The following PDE1A variants were observed in gnomAD, a reference collection of about 807,000 sequenced individuals.
PDE1A encodes dual specificity calcium/calmodulin-dependent 3',5'-cyclic nucleotide phosphodiesterase 1A.
PDE1A carries 35 observed loss-of-function variants against 61.7 expected under a neutral mutation model. The observed-to-expected ratio is 0.57, with a 90% CI of 0.43 to 0.75. The LOEUF is 0.75. PDE1A is among the 30% of genes least tolerant of loss of function. The probability of loss-of-function intolerance (pLI) is 0.00; values close to 1 mark genes in which losing one functional copy is unlikely to be tolerated. For synonymous variants in PDE1A, 232 were observed against 213.2 expected (o/e 1.09, Z -0.77); for missense variants, 597 against 630.6 (o/e 0.95, Z 0.57).
At chr2:182,502,813 G>GTGAATA (rs1689160942) in intron 2 of PDE1A, among the ~76,000 whole-genome samples, 1 of 151,300 alleles carries the variant, frequency 6.6e-6, no homozygotes, top group Non-Finnish European at 1.5e-5. Flanking sequence ...CATGTATTAA[G>GTGAATA]TGAATACTTA....
downstream of PDE1A, among the ~76,000 whole-genome samples, chr2:182,146,226 C>A (rs896640310): frequency 4.6e-5 from 7 of 152,124 alleles, no homozygotes; most frequent in African/African-American, 1.7e-4. Context: ...GCATCACTCC[C>A]AGAGTTAATA....
the PDE1A span, among the ~76,000 whole-genome samples, chr2:182,554,760 G>C: frequency 1.3e-5 from 2 of 152,026 alleles, no homozygotes; most frequent in Non-Finnish European, 2.9e-5. Context: ...TAGTTTCCAA[G>C]GCATTCATCT....
At chr2:182,188,910 C>T (rs936895313) in intron 11 of PDE1A, 69 bp downstream of exon 11, 1 of 998,976 alleles carries the variant, frequency 1.0e-6, no homozygotes, top group Non-Finnish European at 1.6e-6. Flanking sequence ...CTTTGAACAA[C>T]ATCGTTTACC....
the PDE1A span, among the ~76,000 whole-genome samples, chr2:182,531,562 C>A: frequency 1.3e-5 from 2 of 152,086 alleles, no homozygotes; most frequent in African/African-American, 4.8e-5. Flanking sequence ...ACATAAAAAT[C>A]GAGTTTCCAA....
the PDE1A span, among the ~76,000 whole-genome samples, chr2:182,608,890 T>G: frequency 4.6e-5 from 7 of 152,212 alleles, no homozygotes; most frequent in Admixed American, 4.6e-4. Flanking sequence ...TGAATCTTTA[T>G]GTCTAGCTAA....
the PDE1A span, among the ~76,000 whole-genome samples, chr2:182,656,043 G>A: frequency 6.6e-6 from 1 of 152,190 alleles, no homozygotes; most frequent in Non-Finnish European, 1.5e-5. Context: ...GCCTTTTAAA[G>A]CAGTTAGCAA....
At chr2:182,656,171 C>A in the PDE1A span, among the ~76,000 whole-genome samples, 3 of 152,232 alleles carry the variant, frequency 2.0e-5, no homozygotes, top group Admixed American at 2.0e-4. Context: ...TCTTAGCCAT[C>A]ATGATACCAC....
chr2:182,640,142 T>C, the PDE1A span, among the ~76,000 whole-genome samples: 2 of 152,222 alleles, frequency 1.3e-5, 1 homozygote, highest in South Asian at 4.1e-4. Flanking sequence ...CTAAGAATTT[T>C]ATATCTTGCC....
In PDE1A at chr2:182,448,472, T is replaced by C. The variant is rs375612420; in HGVS notation, c.101+73804A>G. ...CGAAACTCCAAAATTGTAAAGTATA[T>C]GCGATGTTTTAGAACCCAACAGAAA... On this transcript the variant is annotated intron_variant, in intron 2 of 14. Coordinates refer to the PDE1A transcript ENST00000410103. Among the ~76,000 whole-genome samples, 17 of 152,174 alleles carry C rather than the reference T, an allele frequency of 1.1e-4. No individual in the cohort carries two copies. In the East Asian group the frequency reaches 1.2e-3, roughly 10 times the overall value.
At chr2:182,358,389 T>G (rs1232127067) in intron 1 of PDE1A, among the ~76,000 whole-genome samples, 1 of 152,172 alleles carries the variant, frequency 6.6e-6, no homozygotes, top group Non-Finnish European at 1.5e-5. Flanking sequence ...TTTATATGCA[T>G]CAGGAAACTT....
At chr2:182,386,405 T>C (rs1701085100) in intron 1 of PDE1A, among the ~76,000 whole-genome samples, 1 of 148,502 alleles carries the variant, frequency 6.7e-6, no homozygotes, top group African/African-American at 2.5e-5. Flanking sequence ...GTGAGGAGTG[T>C]CTCTGCCCGG....
chr2:182,583,736 AC>A, the PDE1A span, among the ~76,000 whole-genome samples: 56 of 152,336 alleles, frequency 3.7e-4, no homozygotes, highest in African/African-American at 1.3e-3. Context: ...CATCAAAAAA[AC>A]AGTCACATAT....
chr2:182,533,298 G>A, the PDE1A span, among the ~76,000 whole-genome samples: 2 of 152,162 alleles, frequency 1.3e-5, no homozygotes, highest in Admixed American at 1.3e-4. Context: ...GTGACAGAGC[G>A]AGACCCTGTC....
the PDE1A span, among the ~76,000 whole-genome samples, chr2:182,558,319 A>T: frequency 1.3e-5 from 2 of 151,990 alleles, no homozygotes; most frequent in African/African-American, 4.8e-5. Flanking sequence ...GGCGTTTAAG[A>T]TTTAAGATTA....
the PDE1A span, among the ~76,000 whole-genome samples, chr2:182,615,706 T>A: frequency 4.6e-5 from 7 of 152,140 alleles, no homozygotes; most frequent in Admixed American, 2.0e-4. Context: ...CCACACCTGA[T>A]AAGGTGCTTG....
intron 1 of PDE1A, among the ~76,000 whole-genome samples, chr2:182,367,050 T>C (rs1433144633): frequency 1.3e-5 from 2 of 152,066 alleles, no homozygotes; most frequent in East Asian, 1.9e-4. Context: ...TGATCACTAA[T>C]GTAGTGATCA....
At chr2:182,403,610 A>AAAAAAAAAAAG (rs1462512324) in intron 1 of PDE1A, among the ~76,000 whole-genome samples, 13 of 151,120 alleles carry the variant, frequency 8.6e-5, no homozygotes, top group African/African-American at 3.2e-4. Context: ...AAAAAAAAAA[A>AAAAAAAAAAAG]AAAAGAAAAT....
At chr2:182,223,669 AATACT>A (rs1449128589) in intron 7 of PDE1A, among the ~76,000 whole-genome samples, 190 bp downstream of exon 7, 1 of 151,982 alleles carries the variant, frequency 6.6e-6, no homozygotes, top group African/African-American at 2.4e-5. Context: ...TATGCCACAA[AATACT>A]ATACACAAGA....
At chr2:182,697,205 A>C in the PDE1A span, among the ~76,000 whole-genome samples, 1 of 152,174 alleles carries the variant, frequency 6.6e-6, no homozygotes, top group South Asian at 2.1e-4. Context: ...GGTGGGGCTC[A>C]TGAAGGCAGG....
Sources: gnomAD v4.1 joint callset for allele counts (sites outside exome capture counted in the v4.1 genomes callset) on GRCh38, gnomAD v4.1.1 for gene constraint, MANE v1.5 for transcripts, NCBI Gene and HGNC (gene_info 2026-07-23, HGNC 2026-07-21) for gene names.